EDIL3: variants seen among roughly 807,000 people sequenced by gnomAD.
EDIL3 encodes the protein EGF-like repeat and discoidin I-like domain-containing protein 3.
In EDIL3, 37 loss-of-function variants were observed where a neutral mutation model predicts 67.4. That is an observed-to-expected ratio of 0.55 (90% CI 0.42 to 0.72). The LOEUF (loss-of-function observed/expected upper bound fraction) is 0.72, where lower values mean the gene tolerates loss of function less well. EDIL3 is among the 30% of genes least tolerant of loss of function. The pLI, the probability that EDIL3 is intolerant of heterozygous loss-of-function variation, is 0.00. For synonymous variants in EDIL3, 195 were observed against 196.3 expected, an observed-to-expected ratio of 0.99 and a Z score of 0.05; for missense variants, 527 against 586.3, an observed-to-expected ratio of 0.90 and a Z score of 1.04.
At chr5:84,123,291 T>G (rs1747811633) in intron 5 of EDIL3, among the ~76,000 whole-genome samples, 1 of 151,984 alleles carries the variant, frequency 6.6e-6, no homozygotes, top group African/African-American at 2.4e-5. Context: ...TTTTAAGCAT[T>G]ATTTTATCAA....
At chr5:84,217,422 T>C (rs1459644452) in intron 3 of EDIL3, among the ~76,000 whole-genome samples, 1 of 152,210 alleles carries the variant, frequency 6.6e-6, no homozygotes, top group Non-Finnish European at 1.5e-5. Context: ...CTTGGTCAAA[T>C]GCTAGTATAG....
chr5:84,079,889 T>C (rs1399741946), intron 6 of EDIL3, among the ~76,000 whole-genome samples: 1 of 152,002 alleles, frequency 6.6e-6, no homozygotes, highest in Non-Finnish European at 1.5e-5. Context: ...ATATAAAGTA[T>C]TTTATCAAAT....
intron 9 of EDIL3, among the ~76,000 whole-genome samples, chr5:83,972,280 T>C (rs990410438): frequency 3.3e-5 from 5 of 152,116 alleles, no homozygotes; most frequent in African/African-American, 1.2e-4. Context: ...TACAGCAAGA[T>C]GTTTCTGGTT....
chr5:84,253,246 C>A (rs914491761), intron 2 of EDIL3, among the ~76,000 whole-genome samples: 1 of 152,146 alleles, frequency 6.6e-6, no homozygotes, highest in East Asian at 1.9e-4. Context: ...AAGGTTTATG[C>A]AGGTTGACAA....
intron 9 of EDIL3, among the ~76,000 whole-genome samples, chr5:83,968,140 A>C (rs1331014258): frequency 2.0e-5 from 3 of 152,104 alleles, no homozygotes; most frequent in Non-Finnish European, 4.4e-5. Flanking sequence ...AATTAATGGT[A>C]CTTGGTATTT....
intron 6 of EDIL3, among the ~76,000 whole-genome samples, chr5:84,068,324 C>T (rs1263022094): frequency 6.6e-6 from 1 of 151,904 alleles, no homozygotes; most frequent in Non-Finnish European, 1.5e-5. Context: ...ATGTTTTCTC[C>T]CATTTTGGAA....
chr5:84,180,025 T>C (rs1324972555), intron 4 of EDIL3, among the ~76,000 whole-genome samples: 1 of 150,200 alleles, frequency 6.7e-6, no homozygotes, highest in African/African-American at 2.5e-5. Flanking sequence ...TTTTTCTGGG[T>C]ATCATCTCTG....
At chr5:84,334,131 A>G (rs1169813623) in intron 1 of EDIL3, among the ~76,000 whole-genome samples, 1 of 148,640 alleles carries the variant, frequency 6.7e-6, no homozygotes, top group Non-Finnish European at 1.5e-5. Context: ...CAGTGGTGCT[A>G]TCTCGGCTCA....
intron 10 of EDIL3, among the ~76,000 whole-genome samples, chr5:83,948,450 C>T (rs1355932642): frequency 2.0e-5 from 3 of 151,734 alleles, no homozygotes; most frequent in Non-Finnish European, 3.0e-5. Context: ...GCATGAATCA[C>T]GTCAAACATA....
At chr5:84,354,494 T>C (rs566540828) in intron 1 of EDIL3, among the ~76,000 whole-genome samples, 1 of 151,952 alleles carries the variant, frequency 6.6e-6, no homozygotes, top group Admixed American at 6.6e-5. Context: ...CTGTCTCTAC[T>C]AAAAATACAA....
chr5:83,958,994 C>A (rs1036634988), intron 10 of EDIL3, among the ~76,000 whole-genome samples: 2 of 150,980 alleles, frequency 1.3e-5, no homozygotes, highest in African/African-American at 4.8e-5. Flanking sequence ...GGCTCAATTA[C>A]AAGAGATTTA....
intron 1 of EDIL3, among the ~76,000 whole-genome samples, chr5:84,366,128 AT>A (rs761098144): frequency 4.1e-4 from 63 of 152,074 alleles, no homozygotes; most frequent in Admixed American, 1.4e-3. Flanking sequence ...AAGTAAAAAA[AT>A]ATATATAAAA....
intron 9 of EDIL3, among the ~76,000 whole-genome samples, chr5:84,028,929 A>G (rs253162): frequency 0.86 from 130,709 of 152,046 alleles, 56,886 homozygotes; most frequent in Non-Finnish European, 0.92. Flanking sequence ...AGTCTTTCCC[A>G]TGTTGTTCTC....
intron 2 of EDIL3, among the ~76,000 whole-genome samples, chr5:84,245,063 C>A (rs987874273): frequency 1.3e-5 from 2 of 152,102 alleles, no homozygotes; most frequent in Non-Finnish European, 2.9e-5. Context: ...TTTAAGCTTT[C>A]TTTGATTAAA....
intron 9 of EDIL3, among the ~76,000 whole-genome samples, chr5:83,983,214 G>C (rs1219803671): frequency 2.0e-5 from 3 of 152,122 alleles, no homozygotes; most frequent in Non-Finnish European, 4.4e-5. Flanking sequence ...TGGGTTTGCA[G>C]TAATCTGTTT....
chr5:84,086,010 C>T (rs145867552), intron 6 of EDIL3, among the ~76,000 whole-genome samples: 22 of 152,324 alleles, frequency 1.4e-4, no homozygotes, highest in Admixed American at 1.1e-3. Context: ...CATCCCTTCA[C>T]CAAGCTCATC....
intron 4 of EDIL3, among the ~76,000 whole-genome samples, chr5:84,171,438 C>G (rs1333301632): frequency 1.3e-5 from 2 of 152,058 alleles, no homozygotes; most frequent in Non-Finnish European, 2.9e-5. Flanking sequence ...AATAAAAATG[C>G]CTTGGAACTC....
At chr5:84,314,691 T>C (rs1746474927) in intron 1 of EDIL3, among the ~76,000 whole-genome samples, 7 of 152,152 alleles carry the variant, frequency 4.6e-5, no homozygotes, top group Admixed American at 4.6e-4. Flanking sequence ...TTATGTGAAA[T>C]ATTTAAAATA....
At chr5:84,377,763 T>G (rs1747997934) in intron 1 of EDIL3, among the ~76,000 whole-genome samples, 1 of 152,206 alleles carries the variant, frequency 6.6e-6, no homozygotes, top group Admixed American at 6.5e-5. Context: ...TTTTAAGAGA[T>G]CAATCATTTT....
Sources: allele counts gnomAD v4.1 joint callset (sites outside exome capture counted in the v4.1 genomes callset), GRCh38; gene constraint gnomAD v4.1.1; transcripts MANE v1.5; gene names NCBI Gene and HGNC (gene_info 2026-07-23, HGNC 2026-07-21).